CCDC171: variants seen among roughly 807,000 people sequenced by gnomAD.
CCDC171 encodes the protein coiled-coil domain-containing protein 171.
Under a neutral mutation model 168.2 loss-of-function variants are expected in CCDC171, and 177 were observed. That is an observed-to-expected ratio of 1.05 (90% CI 0.93 to 1.19). CCDC171 has a LOEUF of 1.19. CCDC171 is among the 50% of genes most tolerant of loss of function. The probability of loss-of-function intolerance (pLI) is 0.00; values close to 1 mark genes in which losing one functional copy is unlikely to be tolerated. For missense variants in CCDC171, 1,991 were observed against 1,539.0 expected (o/e 1.29, Z -4.91); for synonymous variants, 687 against 540.8 (o/e 1.27, Z -3.75).
At chr9:15,630,554 T>G (rs2045590667) in intron 7 of CCDC171, among the ~76,000 whole-genome samples, 1 of 152,142 alleles carries the variant, frequency 6.6e-6, no homozygotes, top group Admixed American at 6.5e-5. Context: ...CAAAGAGACT[T>G]AGACTCCCAC....
chr9:15,655,424 C>T (rs556368744), intron 7 of CCDC171, among the ~76,000 whole-genome samples: 34 of 152,212 alleles, frequency 2.2e-4, no homozygotes, highest in South Asian at 4.1e-4. Flanking sequence ...TGGTCATGAC[C>T]GATTCCCTTT....
chr9:16,044,535 T>G (rs1383845352), intron 1 of CCDC171, among the ~76,000 whole-genome samples: 1 of 149,862 alleles, frequency 6.7e-6, no homozygotes. Context: ...TTTAATAATT[T>G]TTTTTTTTTT....
intron 3 of CCDC171, among the ~76,000 whole-genome samples, chr9:15,576,706 A>G (rs1453549755): frequency 6.6e-6 from 1 of 152,180 alleles, no homozygotes; most frequent in Non-Finnish European, 1.5e-5. Flanking sequence ...TAACTTAGAG[A>G]CGATATCCAC....
intron 25 of CCDC171, among the ~76,000 whole-genome samples, chr9:15,924,359 A>G (rs1468870581): frequency 6.6e-6 from 1 of 151,214 alleles, no homozygotes. Context: ...AAATGGGGTT[A>G]ATGATATTGC....
intron 3 of CCDC171, among the ~76,000 whole-genome samples, chr9:16,007,834 G>T (rs916663232): frequency 6.6e-6 from 1 of 152,154 alleles, no homozygotes; most frequent in Non-Finnish European, 1.5e-5. Flanking sequence ...GGTTACTGTA[G>T]CCTTGTAGTA....
chr9:15,706,344 C>T (rs1167042024), intron 11 of CCDC171, among the ~76,000 whole-genome samples: 2 of 151,848 alleles, frequency 1.3e-5, no homozygotes, highest in Non-Finnish European at 2.9e-5. Context: ...GGCTGGAGTG[C>T]AGTGGTGCAG....
intron 7 of CCDC171, among the ~76,000 whole-genome samples, chr9:15,641,630 G>C (rs1245505101): frequency 1.3e-5 from 2 of 152,084 alleles, no homozygotes; most frequent in African/African-American, 4.8e-5. Flanking sequence ...GGGTTGGATA[G>C]GAGACATTCT....
intron 3 of CCDC171, among the ~76,000 whole-genome samples, chr9:15,991,378 C>T (rs914572118): frequency 4.7e-5 from 7 of 150,274 alleles, no homozygotes; most frequent in Non-Finnish European, 7.4e-5. Context: ...TCTTTGAAAC[C>T]GATGAGAACA....
chr9:15,926,508 G>A lies in CCDC171; in HGVS notation c.3753+6086G>A, dbSNP rs527479634. On this transcript the variant is annotated intron_variant, in intron 25 of 25. Transcript: ENST00000380701. ...CATTTTGTTTTTGATGCTCTTTCTT[G>A]ACCTCTCTCATATTTATTTTGGCTA... is the stretch of plus-strand genomic sequence containing the variant. Among the ~76,000 whole-genome samples, 32 of 151,438 alleles carry A rather than the reference G, an allele frequency of 2.1e-4. 1 individual carries two copies. The South Asian group carries it at 6.7e-3, about 32-fold the overall frequency.
At chr9:15,848,613 CT>C (rs1185439708) in intron 22 of CCDC171, among the ~76,000 whole-genome samples, 2 of 150,452 alleles carry the variant, frequency 1.3e-5, no homozygotes, top group Non-Finnish European at 3.0e-5. Context: ...ACTTTTTTAC[CT>C]TTTTATTCTC....
chr9:15,747,835 T>A (rs1219936682), intron 18 of CCDC171, among the ~76,000 whole-genome samples: 2 of 151,982 alleles, frequency 1.3e-5, no homozygotes, highest in South Asian at 2.1e-4. Flanking sequence ...CCAGAACACA[T>A]CTTCTCCTCT....
At chr9:15,917,888 G>A (rs1824751835) in intron 24 of CCDC171, among the ~76,000 whole-genome samples, 1 of 151,618 alleles carries the variant, frequency 6.6e-6, no homozygotes, top group South Asian at 2.1e-4. Context: ...TAGGTCCTTA[G>A]ACAATAAAAG....
intron 23 of CCDC171, among the ~76,000 whole-genome samples, chr9:15,865,377 G>T (rs1484078026): frequency 2.1e-5 from 2 of 93,108 alleles, no homozygotes; most frequent in East Asian, 7.2e-4. Context: ...ATGTATATTT[G>T]TCATATTTGT....
chr9:15,572,659 C>G (rs537223454), intron 3 of CCDC171, among the ~76,000 whole-genome samples: 1 of 152,308 alleles, frequency 6.6e-6, no homozygotes, highest in East Asian at 1.9e-4. Flanking sequence ...TTTAATGTCT[C>G]TCTAAGTGAA....
intron 11 of CCDC171, among the ~76,000 whole-genome samples, chr9:15,719,118 A>G (rs1402147136): frequency 6.6e-6 from 1 of 151,850 alleles, no homozygotes; most frequent in Non-Finnish European, 1.5e-5. Flanking sequence ...ATCCTATCAG[A>G]TAAATTTAAC....
intron 7 of CCDC171, among the ~76,000 whole-genome samples, chr9:15,626,791 T>A (rs1238130952): frequency 6.6e-6 from 1 of 152,208 alleles, no homozygotes; most frequent in African/African-American, 2.4e-5. Flanking sequence ...TTTAGTTGTG[T>A]CTTTGCCAGG....
chr9:15,645,468 G>A (rs758713921), intron 7 of CCDC171, among the ~76,000 whole-genome samples: 5 of 152,142 alleles, frequency 3.3e-5, no homozygotes, highest in Non-Finnish European at 5.9e-5. Context: ...GAGGATGTTC[G>A]AGCCCATTGT....
chr9:15,620,804 A>C (rs2044441700), intron 6 of CCDC171, among the ~76,000 whole-genome samples: 1 of 152,166 alleles, frequency 6.6e-6, no homozygotes, highest in African/African-American at 2.4e-5. Flanking sequence ...GCCTTATTTT[A>C]AGAAACTGGC....
At position 15,639,033 on chromosome 9, in the gene CCDC171, TGTCA is replaced by T. The variant is rs2046403358; in HGVS notation, c.822+15625_822+15628del. On this transcript the variant is annotated intron_variant, in intron 7 of 25. Coordinates refer to ENST00000380701, the MANE Select transcript of CCDC171 (RefSeq NM_173550.4). ...TTGCAAATAAATTCTGAATTGCTTC[TGTCA>T]GTCATATTCTATATTATAGTAACAT... Among the ~76,000 whole-genome samples the T allele has an allele frequency of 2.6e-5, 4 of 152,102 alleles. No individual in the cohort carries two copies. The South Asian group carries it at 6.2e-4, about 24-fold the overall frequency.
Sources: gnomAD v4.1 joint callset for allele counts (sites outside exome capture counted in the v4.1 genomes callset) on GRCh38, gnomAD v4.1.1 for gene constraint, MANE v1.5 for transcripts, NCBI Gene and HGNC (gene_info 2026-07-23, HGNC 2026-07-21) for gene names.